The following NUP205 variants were observed in gnomAD, a reference collection of about 807,000 sequenced individuals.
NUP205 encodes the protein nucleoporin 205.
A neutral mutation model predicts 253.8 loss-of-function variants in NUP205; 76 were observed. That is an observed-to-expected ratio of 0.30 (90% CI 0.25 to 0.36). The LOEUF (loss-of-function observed/expected upper bound fraction) is 0.36. Ranked by LOEUF, NUP205 falls within the 10% of genes least tolerant of loss-of-function variation. The pLI is 1.00. For synonymous variants in NUP205, 832 were observed against 850.1 expected, an observed-to-expected ratio of 0.98 and a Z score of 0.37; for missense variants, 2,162 against 2,425.5, an observed-to-expected ratio of 0.89 and a Z score of 2.28.
chr7:135,583,892 C>T (rs1184074408), intron 7 of NUP205, among the ~76,000 whole-genome samples: 2 of 144,506 alleles, frequency 1.4e-5, no homozygotes, highest in Non-Finnish European at 3.0e-5. Flanking sequence ...TCCAGGCTGG[C>T]GTGCAATGGC....
At chr7:135,646,010 C>A (rs1795001667) in intron 41 of NUP205, 148 bp from the exon 42 acceptor site, 1 of 629,088 alleles carries the variant, frequency 1.6e-6, no homozygotes. Flanking sequence ...CTAGGGGCTT[C>A]CATTTGCTAA....
At position 135,601,864 on chromosome 7, in the gene NUP205, T is replaced by G. The variant is rs553615241; in HGVS notation, c.2512+357T>G. Among the ~76,000 whole-genome samples the G allele has an allele frequency of 3.9e-5, 6 of 152,362 alleles. No homozygotes were observed. The East Asian group carries it at 1.2e-3, about 29-fold the overall frequency. On this transcript the variant is annotated intron_variant, in intron 17 of 42. Coordinates refer to ENST00000285968, the MANE Select transcript of NUP205 (RefSeq NM_015135.3). Reference sequence around the variant, plus strand: ...TACTATAGTGCTTGATACATAGTGGTCAATAAATTTTACTTGTTATTATTA... The same window carrying G: ...TACTATAGTGCTTGATACATAGTGGGCAATAAATTTTACTTGTTATTATTA...
intron 7 of NUP205, among the ~76,000 whole-genome samples, chr7:135,580,840 C>T (rs1467448174): frequency 6.6e-6 from 1 of 151,912 alleles, no homozygotes; most frequent in East Asian, 1.9e-4. Flanking sequence ...TGGTCACAAT[C>T]TTATGCTATA....
In NUP205 at chr7:135,614,161, C is replaced by T. The variant is rs201567568; in HGVS notation, c.3198C>T (p.Val1066=). ...SPQLAELCYQ[V]IYQLCACSDT... Reference sequence around the variant, plus strand: ...TTTTTCTTACTTTAATGCTTTAGGTCATATATCAGTTATGTGCATGCTCTG... The same window carrying T: ...TTTTTCTTACTTTAATGCTTTAGGTTATATATCAGTTATGTGCATGCTCTG... Residue 1066 remains valine (V), a splice_region_variant and synonymous_variant, in exon 23 of 43, where the codon GTC becomes GTT. Coordinates refer to ENST00000285968, the MANE Select transcript of NUP205 (RefSeq NM_015135.3). The T allele has an allele frequency of 2.0e-6, 3 of 1,524,300 alleles. No homozygotes were observed. The highest frequency in any genetic ancestry group is 3.4e-5 in the Admixed American group (2 of 59,392). The allele number at this position is 1,524,300 out of a possible 1,614,324, so 94.4% of individuals were successfully genotyped here. A position where few individuals can be genotyped will look rare whatever the true frequency, so the allele number is the denominator to read the frequency against.
At chr7:135,608,249 C>T (rs1794131266) in intron 22 of NUP205, among the ~76,000 whole-genome samples, 1 of 152,084 alleles carries the variant, frequency 6.6e-6, no homozygotes, top group South Asian at 2.1e-4. Flanking sequence ...TGGTCTCAAT[C>T]TCTTGACTTT....
chr7:135,621,327 A>G (rs781663596), intron 30 of NUP205, among the ~76,000 whole-genome samples: 1 of 151,892 alleles, frequency 6.6e-6, no homozygotes, highest in Non-Finnish European at 1.5e-5. Context: ...AGCTTCTTTT[A>G]AGAAAAGAGA....
chr7:135,618,716 G>T, intron 28 of NUP205, 113 bp downstream of exon 28: 1 of 863,630 alleles, frequency 1.2e-6, no homozygotes, highest in Admixed American at 2.5e-5. Flanking sequence ...ATAGAATTGT[G>T]CAATACCAAC....
chr7:135,630,552 TGCA>T, intron 35 of NUP205, 82 bp downstream of exon 35: 1 of 1,292,398 alleles, frequency 7.7e-7, no homozygotes, highest in East Asian at 2.7e-5. Context: ...TTTGTTACTT[TGCA>T]GCTATATATG....
At chr7:135,642,452 G>C (rs1409815786) in intron 38 of NUP205, among the ~76,000 whole-genome samples, 3 of 151,792 alleles carry the variant, frequency 2.0e-5, no homozygotes, top group Non-Finnish European at 4.4e-5. Flanking sequence ...CTTCCAAATT[G>C]TTGACAGGTG....
intron 7 of NUP205, among the ~76,000 whole-genome samples, chr7:135,583,626 G>C (rs1319467584): frequency 6.6e-6 from 1 of 151,922 alleles, no homozygotes; most frequent in African/African-American, 2.4e-5. Flanking sequence ...CAGGTGTGTT[G>C]GCGCACACCT....
At chr7:135,627,365 A>G (rs1174538549) in intron 33 of NUP205, among the ~76,000 whole-genome samples, 1 of 152,194 alleles carries the variant, frequency 6.6e-6, no homozygotes, top group Non-Finnish European at 1.5e-5. Context: ...AAAATCTGAA[A>G]TCTGCAGTGC....
At chr7:135,576,891 G>A (rs763584661) in intron 4 of NUP205, 78 bp from the exon 5 acceptor site, 50 of 1,381,506 alleles carry the variant, frequency 3.6e-5, no homozygotes, top group Non-Finnish European at 4.9e-5. Flanking sequence ...CAAAAAAAGA[G>A]CGTTTGCTAT....
At position 135,626,596 on chromosome 7, in the gene NUP205, G is replaced by C. The variant is rs73725200; in HGVS notation, c.4793+235G>C. Among the ~76,000 whole-genome samples the C allele has an allele frequency of 3.8e-3, 573 of 152,208 alleles. 2 individuals are homozygous for C. Among genetic ancestry groups the C allele is most frequent in the African/African-American group, 0.013 (550 of 41,530 alleles). ...TGTACTTGCCCAATGTTATTATTAT[G>C]TTCAATTGAAATACTTGTTTGCAGT... On this transcript the variant is annotated intron_variant, in intron 33 of 42. Transcript: ENST00000285968.
chr7:135,634,967 G>A (rs1280875538), intron 35 of NUP205, among the ~76,000 whole-genome samples: 1 of 152,180 alleles, frequency 6.6e-6, no homozygotes. Context: ...ATAGGTTTAG[G>A]TGGGTATTCC....
At chr7:135,592,465 GAGTAAA>G (rs1806655142) in intron 11 of NUP205, among the ~76,000 whole-genome samples, 1 of 152,224 alleles carries the variant, frequency 6.6e-6, no homozygotes, top group South Asian at 2.1e-4. Flanking sequence ...CCCCTTTCTT[GAGTAAA>G]AGTTAATCCA....
chr7:135,565,904 A>G (rs1237333417), intron 1 of NUP205, among the ~76,000 whole-genome samples: 1 of 152,204 alleles, frequency 6.6e-6, no homozygotes, highest in African/African-American at 2.4e-5. Flanking sequence ...CTTTGCAGTT[A>G]GAGAGAGGGC....
intron 7 of NUP205, among the ~76,000 whole-genome samples, chr7:135,581,805 A>C (rs1806313108): frequency 6.6e-6 from 1 of 151,874 alleles, no homozygotes; most frequent in South Asian, 2.1e-4. Flanking sequence ...GTGAGCTGAG[A>C]TCATGCCACT....
chr7:135,597,273 C>T, intron 13 of NUP205, 95 bp from the exon 14 acceptor site: 2 of 792,480 alleles, frequency 2.5e-6, no homozygotes, highest in South Asian at 1.6e-5. Context: ...TCTGTGGGTC[C>T]AGTGGGTGAG....
At chr7:135,642,819 T>C (rs976789959) in intron 38 of NUP205, among the ~76,000 whole-genome samples, 2 of 150,528 alleles carry the variant, frequency 1.3e-5, no homozygotes, top group Non-Finnish European at 3.0e-5. Flanking sequence ...CCCACAATTG[T>C]GTATATTGTT....
Sources: gnomAD v4.1 joint callset for allele counts (sites outside exome capture counted in the v4.1 genomes callset) on GRCh38, gnomAD v4.1.1 for gene constraint, MANE v1.5 for transcripts, NCBI Gene and HGNC (gene_info 2026-07-23, HGNC 2026-07-21) for gene names.